ANAPC5: variants seen among roughly 807,000 people sequenced by gnomAD.
The protein encoded by ANAPC5 is anaphase-promoting complex subunit 5.
In ANAPC5, 60 loss-of-function variants were observed where a neutral mutation model predicts 91.3. That is an observed-to-expected ratio of 0.66 (90% CI 0.53 to 0.81). ANAPC5 has a LOEUF of 0.81. ANAPC5 is among the 40% of genes least tolerant of loss of function. The probability of loss-of-function intolerance (pLI) is 0.00; values close to 1 mark genes in which losing one functional copy is unlikely to be tolerated. For synonymous variants in ANAPC5, 340 were observed against 364.1 expected, an observed-to-expected ratio of 0.93 and a Z score of 0.75; for missense variants, 690 against 931.5, an observed-to-expected ratio of 0.74 and a Z score of 3.37.
intron 16 of ANAPC5, among the ~76,000 whole-genome samples, chr12:121,309,351 T>C (rs1311933148): frequency 6.6e-6 from 1 of 150,560 alleles, no homozygotes; most frequent in African/African-American, 2.4e-5. Flanking sequence ...GGCAGGAGAA[T>C]TGCTTGAACC....
chr12:121,351,718 A>G (rs1903899511), intron 1 of ANAPC5, among the ~76,000 whole-genome samples: 2 of 151,872 alleles, frequency 1.3e-5, no homozygotes, highest in Admixed American at 1.3e-4. Context: ...TACCCTCCCA[A>G]AGTGCGGAGA....
At chr12:121,323,771 G>T (rs1009930094) in intron 11 of ANAPC5, among the ~76,000 whole-genome samples, 1 of 152,124 alleles carries the variant, frequency 6.6e-6, no homozygotes, top group African/African-American at 2.4e-5. Flanking sequence ...AAATTACATA[G>T]AATTACAATA....
intron 7 of ANAPC5, chr12:121,332,659 C>T (rs1171973573): frequency 6.6e-6 from 1 of 151,752 alleles, no homozygotes; most frequent in African/African-American, 2.4e-5. Flanking sequence ...TAAACAACTA[C>T]AAGGATTTTC....
chr12:121,321,685 G>A (rs145096975), intron 11 of ANAPC5, among the ~76,000 whole-genome samples: 53 of 151,270 alleles, frequency 3.5e-4, no homozygotes, highest in African/African-American at 9.7e-4. Flanking sequence ...TTACAGGTGC[G>A]CGCCACCATG....
At chr12:121,326,039 A>G (rs917082600) in intron 11 of ANAPC5, among the ~76,000 whole-genome samples, 12 of 152,232 alleles carry the variant, frequency 7.9e-5, no homozygotes, top group African/African-American at 2.9e-4. Context: ...GCAACCAGCT[A>G]GCCCTTTCGA....
Position 121,335,611 on chromosome 12 carries a change from T to G in ANAPC5, c.872A>C (p.Asn291Thr). The part of the protein sequence containing the change: ...LILTGAESKS[N>T]GEEGYGRSLR... Reference sequence around the variant, plus strand: ...GCTCCGGCCATAGCCCTCTTCCCCATTACTTTTGCTTTCGGCTCCGGTAAG... The same window carrying G: ...GCTCCGGCCATAGCCCTCTTCCCCAGTACTTTTGCTTTCGGCTCCGGTAAG... Residue 291 changes from asparagine to threonine, a missense_variant, in exon 7 of 17, where the codon AAT (asparagine) becomes ACT (threonine). By Grantham distance (65) the Asn-to-Thr change is moderately conservative. Coordinates refer to ENST00000261819, the MANE Select transcript of ANAPC5 (RefSeq NM_016237.5). The G allele has an allele frequency of 3.1e-6, 5 of 1,614,110 alleles. No individual in the cohort carries two copies. The highest frequency in any genetic ancestry group is 4.2e-6 in the Non-Finnish European group (5 of 1,179,938).
chr12:121,337,000 A>G (rs532636992), intron 6 of ANAPC5, among the ~76,000 whole-genome samples: 1 of 152,232 alleles, frequency 6.6e-6, no homozygotes, highest in East Asian at 1.9e-4. Flanking sequence ...CGGGCAGATC[A>G]TGAGGTCAGG....
chr12:121,317,933 C>T (rs910891464), intron 15 of ANAPC5: 5 of 181,370 alleles, frequency 2.8e-5, no homozygotes, highest in Non-Finnish European at 5.7e-5. Context: ...TTTCAATGAA[C>T]ATCTGTGTTC....
intron 15 of ANAPC5, 200 bp downstream of exon 15, chr12:121,318,077 T>C: frequency 2.1e-6 from 1 of 471,364 alleles, no homozygotes; most frequent in Admixed American, 4.2e-5. Context: ...GGAAAGCCAG[T>C]GCCACTGGAA....
intron 11 of ANAPC5, among the ~76,000 whole-genome samples, chr12:121,325,507 A>T (rs1250920888): frequency 2.1e-3 from 4 of 1,902 alleles, no homozygotes; most frequent in African/African-American, 2.5e-3. Flanking sequence ...ATTAAAAATT[A>T]AAAAAAAAAA....
chr12:121,327,062 C>T, intron 11 of ANAPC5, 34 bp downstream of exon 11: 9 of 1,569,138 alleles, frequency 5.7e-6, no homozygotes, highest in Non-Finnish European at 7.7e-6. Context: ...GCCTCCATTG[C>T]TCCAGAAGCA....
chr12:121,326,042 C>T (rs929761056), intron 11 of ANAPC5, among the ~76,000 whole-genome samples: 1 of 152,144 alleles, frequency 6.6e-6, no homozygotes, highest in African/African-American at 2.4e-5. Flanking sequence ...ACCAGCTAGC[C>T]CTTTCGACCT....
Position 121,320,385 on chromosome 12 carries a change from C to G in ANAPC5, c.1515G>C (p.Gln505His). Residue 505 changes from glutamine (Q) to histidine (H), a missense_variant and splice_region_variant, in exon 12 of 17, where the codon CAG (glutamine) becomes CAC (histidine). Around this residue, in one of 5 missense-constraint regions of ANAPC5, gnomAD observed 317 missense variants for 438.7 expected, o/e 0.72. Transcript: ENST00000261819. ...TATTGCCATGCAAAAGGCAGATTACCTGGGCGTGCTGACTATTAGGCGGAA... is the reference window on the plus strand; with the variant it reads ...TATTGCCATGCAAAAGGCAGATTACGTGGGCGTGCTGACTATTAGGCGGAA... ...ERFPPNSQHA[Q>H]LWMLCDQKIQ... is the part of the protein sequence containing the mutation. 2 of 1,613,210 alleles carry G rather than the reference C, an allele frequency of 1.2e-6. No individual in the cohort carries two copies. The highest frequency in any genetic ancestry group is 1.7e-6 in the Non-Finnish European group (2 of 1,179,398).
intron 11 of ANAPC5, 148 bp downstream of exon 11, chr12:121,326,948 C>T: frequency 9.1e-7 from 1 of 1,099,494 alleles, no homozygotes; most frequent in Non-Finnish European, 1.2e-6. Context: ...ACCCTTGGTC[C>T]CCTTCCACTG....
Position 121,315,752 on chromosome 12 carries a change from A to T in ANAPC5, c.1893+2525T>A, listed in dbSNP as rs141903243. ...GCTAGAATAACCTATATCCGTATGC[A>T]GAAGAATAAGAGTGGAGCCCTATCT... is the stretch of plus-strand genomic sequence containing the variant. On this transcript the variant is annotated intron_variant, in intron 15 of 16. Coordinates refer to ENST00000261819, the MANE Select transcript of ANAPC5 (RefSeq NM_016237.5). Among the ~76,000 whole-genome samples, 1,033 of 152,334 alleles carry T rather than the reference A, an allele frequency of 6.8e-3. 14 individuals are homozygous for T. The highest frequency in any genetic ancestry group is 0.036 in the South Asian group (174 of 4,830).
intron 4 of ANAPC5, among the ~76,000 whole-genome samples, chr12:121,344,450 G>A (rs1290824915): frequency 2.0e-5 from 3 of 151,950 alleles, no homozygotes; most frequent in Non-Finnish European, 4.4e-5. Flanking sequence ...TGTGCTGGTG[G>A]GCACCTGTAA....
Position 121,352,340 on chromosome 12 carries a change from TGGCGGCCCGAGACTAAGTCTCG to T in ANAPC5, c.-22_-1del. ...TAGAGGCTCTCGTGGACGCTGGCCA[TGGCGGCCCGAGACTAAGTCTCG>T]GGCCCGCGGCGCGCTGCCGCCAGTT... is the stretch of plus-strand genomic sequence containing the variant. On this transcript the variant is annotated 5_prime_UTR_variant, in exon 1 of 17. Transcript: ENST00000261819. 2 of 1,598,958 alleles carry T rather than the reference TGGCGGCCCGAGACTAAGTCTCG, an allele frequency of 1.3e-6. No individual in the cohort carries two copies. The highest frequency in any genetic ancestry group is 1.7e-6 in the Non-Finnish European group (2 of 1,168,974).
chr12:121,349,803 G>A (rs1385343056), intron 1 of ANAPC5, among the ~76,000 whole-genome samples: 1 of 151,116 alleles, frequency 6.6e-6, no homozygotes, highest in Non-Finnish European at 1.5e-5. Context: ...CACCTCCTGG[G>A]TTCAAATGAT....
chr12:121,331,807 T>C (rs1172653316), intron 7 of ANAPC5: 1 of 155,472 alleles, frequency 6.4e-6, no homozygotes, highest in Non-Finnish European at 1.4e-5. Context: ...TGTGCATTTG[T>C]TACTTTTATC....
Sources: gnomAD v4.1 joint callset for allele counts (sites outside exome capture counted in the v4.1 genomes callset) on GRCh38, gnomAD v4.1.1 for gene constraint, gnomAD v4.1.1 regional missense constraint, MANE v1.5 for transcripts, NCBI Gene and HGNC (gene_info 2026-07-23, HGNC 2026-07-21) for gene names.